The following FAF2 variants were observed in gnomAD, a reference collection of about 807,000 sequenced individuals.
FAF2 encodes the protein FAS-associated factor 2.
FAF2 carries 9 observed loss-of-function variants against 62.3 expected under a neutral mutation model. The observed-to-expected ratio is 0.14, with a 90% CI of 0.09 to 0.25. The LOEUF (loss-of-function observed/expected upper bound fraction) is 0.25, where lower values mean the gene tolerates loss of function less well. Ranked by LOEUF, FAF2 falls within the 10% of genes least tolerant of loss-of-function variation. The pLI is 1.00. For synonymous variants in FAF2, 202 were observed against 198.0 expected (o/e 1.02, Z -0.17); for missense variants, 368 against 556.2 (o/e 0.66, Z 3.40).
intron 1 of FAF2, among the ~76,000 whole-genome samples, chr5:176,463,384 CAA>C (rs796695371): frequency 3.7e-5 from 5 of 136,114 alleles, no homozygotes; most frequent in Admixed American, 7.4e-5. Context: ...GACTCCATCT[CAA>C]AAAAAAAAAA....
intron 1 of FAF2, among the ~76,000 whole-genome samples, chr5:176,467,051 G>A (rs1758480310): frequency 6.6e-6 from 1 of 152,100 alleles, no homozygotes; most frequent in African/African-American, 2.4e-5. Flanking sequence ...GAGGAAGGAG[G>A]GAAAGGATCA....
chr5:176,458,732 G>A (rs1758323740), intron 1 of FAF2, among the ~76,000 whole-genome samples: 1 of 152,070 alleles, frequency 6.6e-6, no homozygotes, highest in Non-Finnish European at 1.5e-5. Context: ...AAAAATAATT[G>A]GAGTGGTATT....
chr5:176,460,740 T>A (rs1443064327), intron 1 of FAF2, among the ~76,000 whole-genome samples: 1 of 151,874 alleles, frequency 6.6e-6, no homozygotes, highest in Non-Finnish European at 1.5e-5. Context: ...CACTTGAGCT[T>A]AGGAGTTTGA....
chr5:176,448,389 G>T lies in FAF2; in HGVS notation c.-19G>T, dbSNP rs372252090. 1.1e-5 allele frequency: 18 copies of T among 1,600,874 alleles called. 1 individual carries two copies. Among genetic ancestry groups the T allele is most frequent in the Admixed American group, 3.5e-5 (2 of 57,664 alleles). On this transcript the variant is annotated 5_prime_UTR_variant, in exon 1 of 11. Transcript: ENST00000261942. The stretch of plus-strand genomic sequence containing the variant: ...GGGTGACGGTGCGGACGGGTCAGGA[G>T]CGTAGAGGCGGCGGCAAAATGGCGG...
chr5:176,467,133 T>C (rs1179142907), intron 1 of FAF2, among the ~76,000 whole-genome samples: 4 of 50,298 alleles, frequency 8.0e-5, no homozygotes, highest in Non-Finnish European at 2.1e-4. Flanking sequence ...TTTTTCCTTT[T>C]TTTTTTTTTT....
At chr5:176,505,944 A>G (rs1471498881) in intron 10 of FAF2, among the ~76,000 whole-genome samples, 1 of 152,088 alleles carries the variant, frequency 6.6e-6, no homozygotes, top group African/African-American at 2.4e-5. Context: ...TAATCCCAGC[A>G]CTTTGGGAGG....
At chr5:176,480,782 C>T (rs571786383) in intron 2 of FAF2, among the ~76,000 whole-genome samples, 39 of 138,728 alleles carry the variant, frequency 2.8e-4, no homozygotes, top group African/African-American at 9.8e-4. Flanking sequence ...AGGGGAACAT[C>T]ACACACGGGG....
At chr5:176,457,945 G>GGA (rs1396136457) in intron 1 of FAF2, among the ~76,000 whole-genome samples, 1 of 152,172 alleles carries the variant, frequency 6.6e-6, no homozygotes, top group Non-Finnish European at 1.5e-5. Context: ...CATTGCCACT[G>GGA]CCTCAGTTTA....
intron 4 of FAF2, among the ~76,000 whole-genome samples, chr5:176,489,574 G>A (rs537181094): frequency 1.3e-5 from 2 of 152,138 alleles, no homozygotes; most frequent in East Asian, 1.9e-4. Flanking sequence ...CTCTGTCGCT[G>A]TCACCCAGGC....
At position 176,479,752 on chromosome 5, in the gene FAF2, A is replaced by G. The variant is rs1758759349; in HGVS notation, c.132+496A>G. Among the ~76,000 whole-genome samples the G allele has an allele frequency of 2.6e-5, 4 of 151,984 alleles. No homozygotes were observed. In the East Asian group the frequency reaches 5.8e-4, roughly 22 times the overall value. On this transcript the variant is annotated intron_variant, in intron 2 of 10. Coordinates refer to ENST00000261942, the MANE Select transcript of FAF2 (RefSeq NM_014613.3). ...CGCTCCGTCTCCCAGGCTAGAGTGC[A>G]GTGGCGTGCTCTCAGCTCACTGCAA...
intron 1 of FAF2, among the ~76,000 whole-genome samples, chr5:176,457,936 A>C (rs1019440314): frequency 6.6e-6 from 1 of 152,214 alleles, no homozygotes; most frequent in East Asian, 1.9e-4. Flanking sequence ...TGTCATATGC[A>C]TTGCCACTGC....
intron 5 of FAF2, 45 bp downstream of exon 5, chr5:176,492,377 C>A: frequency 1.3e-6 from 2 of 1,573,116 alleles, no homozygotes; most frequent in Non-Finnish European, 8.6e-7. Context: ...CGAAATGATT[C>A]TATCCTCAAA....
At chr5:176,478,565 A>G (rs1444549002) in intron 1 of FAF2, among the ~76,000 whole-genome samples, 3 of 152,254 alleles carry the variant, frequency 2.0e-5, no homozygotes, top group Non-Finnish European at 4.4e-5. Flanking sequence ...CAGTATATAA[A>G]ATGAAATAAG....
chr5:176,492,100 C>T (rs1245759335), intron 4 of FAF2, 94 bp from the exon 5 acceptor site: 16 of 1,456,656 alleles, frequency 1.1e-5, no homozygotes, highest in Non-Finnish European at 1.5e-5. Flanking sequence ...GTTGCCGTGC[C>T]TCTGGCTCTG....
intron 1 of FAF2, among the ~76,000 whole-genome samples, chr5:176,476,259 G>A (rs780782106): frequency 6.6e-6 from 1 of 152,038 alleles, no homozygotes. Context: ...GACAGAACCT[G>A]TCTTAAAAAA....
At position 176,501,131 on chromosome 5, in the gene FAF2, AT is replaced by A. The variant is rs200766747; in HGVS notation, c.1155+986del. Among the ~76,000 whole-genome samples, 23 of 148,722 alleles carry A rather than the reference AT, an allele frequency of 1.5e-4. No homozygotes were observed. In the East Asian group the frequency reaches 1.7e-3, roughly 11 times the overall value. On this transcript the variant is annotated intron_variant, in intron 10 of 10. Transcript: ENST00000261942. Reference sequence around the variant, plus strand: ...AACAGAGACCCTGTAAAAAAAAAAAATAAATAATAATAATAATAGGCACTCC... The same window carrying A: ...AACAGAGACCCTGTAAAAAAAAAAAAAAATAATAATAATAATAGGCACTCC...
chr5:176,456,387 A>C (rs1581467420), intron 1 of FAF2, among the ~76,000 whole-genome samples: 2 of 152,124 alleles, frequency 1.3e-5, no homozygotes, highest in South Asian at 2.1e-4. Flanking sequence ...TATATTTTTA[A>C]AACTTAAAAT....
At chr5:176,455,378 G>A (rs1758262978) in intron 1 of FAF2, among the ~76,000 whole-genome samples, 3 of 152,196 alleles carry the variant, frequency 2.0e-5, no homozygotes, top group Admixed American at 2.0e-4. Flanking sequence ...TAGCCTAGGA[G>A]GTGAAGGCTG....
intron 1 of FAF2, among the ~76,000 whole-genome samples, chr5:176,463,806 T>C (rs1317689068): frequency 1.3e-5 from 2 of 150,522 alleles, no homozygotes; most frequent in African/African-American, 4.9e-5. Flanking sequence ...CTTGGCTCAC[T>C]GCAACCTCCG....
Sources: allele counts gnomAD v4.1 joint callset (sites outside exome capture counted in the v4.1 genomes callset), GRCh38; gene constraint gnomAD v4.1.1; transcripts MANE v1.5; gene names NCBI Gene and HGNC (gene_info 2026-07-23, HGNC 2026-07-21).